Variants in UBN2 observed in about 807,000 individuals in gnomAD.
UBN2 encodes the protein ubinuclein 2.
A neutral mutation model predicts 120.2 loss-of-function variants in UBN2; 35 were observed. That is an observed-to-expected ratio of 0.29 (90% CI 0.22 to 0.39). UBN2 has a LOEUF of 0.39. Ranked by LOEUF, UBN2 falls within the 10% of genes least tolerant of loss-of-function variation. The pLI is 1.00. For synonymous variants in UBN2, 661 were observed against 648.7 expected (o/e 1.02, Z -0.29); for missense variants, 1,693 against 1,663.2 (o/e 1.02, Z -0.31).
In UBN2 at chr7:139,298,213, C is replaced by G. The variant is rs1032446316; in HGVS notation, c.*377C>G. ...CCATCCTGGGGGTTGGATCTGAACA[C>G]TTACAGACATAATTGGTAATAAAAG... On this transcript the variant is annotated 3_prime_UTR_variant, in exon 18 of 18. Coordinates refer to ENST00000473989, the MANE Select transcript of UBN2 (RefSeq NM_173569.4). The G allele has an allele frequency of 8.7e-5, 17 of 196,182 alleles. No individual in the cohort carries two copies. The highest frequency in any genetic ancestry group is 1.9e-3 in the Middle Eastern group (1 of 524). 12.2% of individuals were successfully genotyped at this position (196,182 alleles called of 1,614,324 possible).
the UBN2 span, among the ~76,000 whole-genome samples, chr7:139,315,049 C>G: frequency 1.3e-5 from 2 of 151,920 alleles, no homozygotes; most frequent in African/African-American, 4.8e-5. Flanking sequence ...AATCTCGGCT[C>G]ACTGCAAGCT....
chr7:139,241,733 G>A (rs1162820552), intron 2 of UBN2, among the ~76,000 whole-genome samples: 1 of 152,100 alleles, frequency 6.6e-6, no homozygotes, highest in African/African-American at 2.4e-5. Flanking sequence ...GAAGCGGCCC[G>A]TGCCTGTAAT....
At position 139,266,339 on chromosome 7, in the gene UBN2, A is replaced by C; in HGVS notation, c.1402A>C (p.Lys468Gln). Residue 468 changes from lysine (K) to glutamine (Q), a missense_variant, in exon 7 of 18, where the codon AAA becomes CAA. Around this residue, in one of 5 missense-constraint regions of UBN2, gnomAD observed 178 missense variants for 204.0 expected, o/e 0.87. Coordinates refer to ENST00000473989, the MANE Select transcript of UBN2 (RefSeq NM_173569.4). The stretch of plus-strand genomic sequence containing the variant: ...ATCTTTCTTGTTTCTTTAGGCTGCC[A>C]AACTTTTTGATGAAGAAGGAAGGAA... Reference protein sequence around the residue: ...KRIEDLRVAAKLFDEEGRKKF... With the variant: ...KRIEDLRVAAQLFDEEGRKKF... 6.3e-7 allele frequency: 1 copy of C among 1,583,148 alleles called. No homozygotes were observed. Among genetic ancestry groups the C allele is most frequent in the Non-Finnish European group, 8.6e-7 (1 of 1,157,638 alleles).
At chr7:139,271,550 C>T (rs537617055) in intron 8 of UBN2, among the ~76,000 whole-genome samples, 3 of 150,296 alleles carry the variant, frequency 2.0e-5, no homozygotes, top group East Asian at 1.9e-4. Flanking sequence ...GGTGCCACTG[C>T]ACTCCAGCCT....
intron 17 of UBN2, among the ~76,000 whole-genome samples, chr7:139,295,584 A>C (rs1379982822): frequency 6.6e-6 from 1 of 152,240 alleles, no homozygotes; most frequent in Non-Finnish European, 1.5e-5. Flanking sequence ...GAGAAAGGAA[A>C]TATGACTGTC....
At chr7:139,259,119 C>A in intron 4 of UBN2, 148 bp from the exon 5 acceptor site, 1 of 1,212,550 alleles carries the variant, frequency 8.2e-7, no homozygotes, top group Non-Finnish European at 1.1e-6. Context: ...GGTGAGAGTG[C>A]TCTTGAACCC....
At chr7:139,257,521 G>A (rs887956989) in intron 3 of UBN2, among the ~76,000 whole-genome samples, 29 of 152,076 alleles carry the variant, frequency 1.9e-4, no homozygotes, top group Non-Finnish European at 4.4e-5. Flanking sequence ...CGATTCTCCT[G>A]CCTCAGCCTC....
In UBN2 at chr7:139,293,241, G is replaced by A. The variant is rs1228447470; in HGVS notation, c.3679G>A (p.Gly1227Arg). The A allele has an allele frequency of 1.2e-6, 2 of 1,614,096 alleles. No individual in the cohort carries two copies. The highest frequency in any genetic ancestry group is 4.5e-5 in the East Asian group (2 of 44,886). The part of the protein sequence containing the change: ...VVTASVQSTA[G>R]ASLLANASPL... Reference sequence around the variant, plus strand: ...CCTGGTTTCTGCACAGTCCACAGCAGGAGCATCATTATTGGCTAATGCCTC... The same window carrying A: ...CCTGGTTTCTGCACAGTCCACAGCAAGAGCATCATTATTGGCTAATGCCTC... Residue 1227 changes from glycine to arginine, a missense_variant, in exon 16 of 18, where the codon GGA becomes AGA. Physicochemically the swap from Gly to Arg is moderately radical, Grantham distance 125. Transcript: ENST00000473989.
intron 7 of UBN2, among the ~76,000 whole-genome samples, chr7:139,268,331 G>A (rs887372152): frequency 3.3e-5 from 5 of 151,686 alleles, no homozygotes; most frequent in Middle Eastern, 3.2e-3. Context: ...TATTCCCTCA[G>A]CCTCTTTTTC....
At chr7:139,314,865 TAATC>T in the UBN2 span, among the ~76,000 whole-genome samples, 2 of 152,096 alleles carry the variant, frequency 1.3e-5, no homozygotes, top group Non-Finnish European at 2.9e-5. Flanking sequence ...ATCTGACTCT[TAATC>T]AGTCTTGCCA....
Position 139,303,531 on chromosome 7 carries a change from T to TA in UBN2, c.*5696dup, listed in dbSNP as rs1798306812. Reference sequence around the variant, plus strand: ...AGTGTTATTCTTGAATGACTATGTCTAGGGGGAATATTGTTTAACCTTCGT... The same window carrying TA: ...AGTGTTATTCTTGAATGACTATGTCTAAGGGGGAATATTGTTTAACCTTCGT... On this transcript the variant is annotated 3_prime_UTR_variant, in exon 18 of 18. Coordinates refer to ENST00000473989, the MANE Select transcript of UBN2 (RefSeq NM_173569.4). 1 of 152,226 alleles carries TA rather than the reference T, an allele frequency of 6.6e-6. No homozygotes were observed. The highest frequency in any genetic ancestry group is 1.5e-5 in the Non-Finnish European group (1 of 68,030). 9.4% of individuals were successfully genotyped at this position (152,226 alleles called of 1,614,324 possible). A position where few individuals can be genotyped will look rare whatever the true frequency, so the allele number is the denominator to read the frequency against.
In UBN2 at chr7:139,306,187, A is replaced by C. The variant is rs1798356020; in HGVS notation, c.*8351A>C. ...CCCTCAAAGCACATTTAGGAGTATC[A>C]ACCAAGACCAGCCAGTTGACATGTT... On this transcript the variant is annotated 3_prime_UTR_variant, in exon 18 of 18. Coordinates refer to ENST00000473989, the MANE Select transcript of UBN2 (RefSeq NM_173569.4). The C allele has an allele frequency of 6.6e-6, 1 of 152,224 alleles. No homozygotes were observed. Among genetic ancestry groups the C allele is most frequent in the African/African-American group, 2.4e-5 (1 of 41,466 alleles). The allele number at this position is 152,224 out of a possible 1,614,324, so 9.4% of individuals were successfully genotyped here.
chr7:139,294,327 A>G (rs981944421), intron 17 of UBN2, among the ~76,000 whole-genome samples: 2 of 152,216 alleles, frequency 1.3e-5, no homozygotes, highest in African/African-American at 4.8e-5. Flanking sequence ...GCTTACGTGG[A>G]TTAGCTAACT....
At chr7:139,240,454 A>ATATATATATATATATTTTTT (rs371717591) in intron 2 of UBN2, among the ~76,000 whole-genome samples, 2 of 123,148 alleles carry the variant, frequency 1.6e-5, no homozygotes, top group African/African-American at 6.4e-5. Flanking sequence ...ATATATATAT[A>ATATATATATATATATTTTTT]TTTTTTTTTT....
intron 8 of UBN2, among the ~76,000 whole-genome samples, chr7:139,271,852 C>G (rs1797285552): frequency 6.6e-6 from 1 of 152,136 alleles, no homozygotes; most frequent in African/African-American, 2.4e-5. Context: ...AAATTACTAA[C>G]CATAACTGAG....
At chr7:139,289,811 T>C (rs1423476570) in intron 15 of UBN2, among the ~76,000 whole-genome samples, 1 of 152,204 alleles carries the variant, frequency 6.6e-6, no homozygotes, top group African/African-American at 2.4e-5. Flanking sequence ...ACTAGGGAAC[T>C]CCAACTGGGG....
At chr7:139,319,068 G>GTTGTT in the UBN2 span, among the ~76,000 whole-genome samples, 4 of 152,098 alleles carry the variant, frequency 2.6e-5, no homozygotes, top group East Asian at 3.9e-4. Context: ...TTTTGTTGTT[G>GTTGTT]TTGTTTTGTT....
At chr7:139,268,556 T>C (rs960186100) in intron 7 of UBN2, among the ~76,000 whole-genome samples, 6 of 152,274 alleles carry the variant, frequency 3.9e-5, no homozygotes, top group African/African-American at 1.4e-4. Flanking sequence ...CCCGGATCAA[T>C]AAATATACAA....
Position 139,298,955 on chromosome 7 carries a change from T to G in UBN2, c.*1119T>G, listed in dbSNP as rs186855311. 5 of 152,296 alleles carry G rather than the reference T, an allele frequency of 3.3e-5. No individual in the cohort carries two copies. Among genetic ancestry groups the G allele is most frequent in the Non-Finnish European group, 7.4e-5 (5 of 68,014 alleles). The allele number at this position is 152,296 out of a possible 1,614,324, so 9.4% of individuals were successfully genotyped here. A position where few individuals can be genotyped will look rare whatever the true frequency, so the allele number is the denominator to read the frequency against. On this transcript the variant is annotated 3_prime_UTR_variant, in exon 18 of 18. Coordinates refer to ENST00000473989, the MANE Select transcript of UBN2 (RefSeq NM_173569.4). Reference sequence around the variant, plus strand: ...TGGTATTTTAAAGGGAGGAATCACATTAGGATCACAATCACGACATATTTT... The same window carrying G: ...TGGTATTTTAAAGGGAGGAATCACAGTAGGATCACAATCACGACATATTTT...
Sources: allele counts gnomAD v4.1 joint callset (sites outside exome capture counted in the v4.1 genomes callset), GRCh38; gene constraint gnomAD v4.1.1; regional missense constraint gnomAD v4.1.1; transcripts MANE v1.5; gene names NCBI Gene and HGNC (gene_info 2026-07-23, HGNC 2026-07-21).